Variants in LHX4 observed in about 807,000 individuals in gnomAD.
LHX4 encodes the protein LIM homeobox 4.
Under a neutral mutation model 39.2 loss-of-function variants are expected in LHX4, and 16 were observed. The ratio of observed to expected loss-of-function variants is 0.41; its 90% CI spans 0.28 to 0.62. The LOEUF (loss-of-function observed/expected upper bound fraction) is 0.62, where lower values mean the gene tolerates loss of function less well. Among genes scored for constraint, LHX4 ranks in the 20% least tolerant of loss-of-function variants. The pLI is 0.33. For synonymous variants in LHX4, 206 were observed against 198.1 expected (o/e 1.04, Z -0.33); for missense variants, 439 against 511.9 (o/e 0.86, Z 1.37).
chr1:180,247,852 G>T (rs748476810), intron 1 of LHX4, among the ~76,000 whole-genome samples: 2 of 152,182 alleles, frequency 1.3e-5, no homozygotes, highest in Non-Finnish European at 2.9e-5. Context: ...CCTGGGCAGG[G>T]CTCACTTTGG....
In LHX4 at chr1:180,266,273, G is replaced by T; in HGVS notation, c.249-119G>T. On this transcript the variant is annotated intron_variant, in intron 2 of 5. Transcript: ENST00000263726. The surrounding 1 kb of genome is among the most constrained non-coding windows in gnomAD (Gnocchi z 5.7). ...CAGACGGTAAGCTCTGGGTGACTGGGGGGTGAGGCTCATGGAGTCCCGGAG... is the reference window on the plus strand; with the variant it reads ...CAGACGGTAAGCTCTGGGTGACTGGTGGGTGAGGCTCATGGAGTCCCGGAG... 1.1e-6 allele frequency: 1 copy of T among 923,682 alleles called. No individual in the cohort carries two copies. The highest frequency in any genetic ancestry group is 1.8e-6 in the Non-Finnish European group (1 of 569,180). The allele number at this position is 923,682 out of a possible 1,614,324, so 57.2% of individuals were successfully genotyped here.
At chr1:180,271,316 T>C in intron 3 of LHX4, 64 bp from the exon 4 acceptor site, 1 of 1,563,080 alleles carries the variant, frequency 6.4e-7, no homozygotes, top group Non-Finnish European at 8.8e-7. Context: ...GAAGGGAGGG[T>C]GTGGGAGGAG....
At position 180,242,139 on chromosome 1, in the gene LHX4, A is replaced by G. The variant is rs573559499; in HGVS notation, c.77-6146A>G. ...TCCCTACTCTCCCCACTGCTTCAGG[A>G]TTGGACAGCTCCCTCATTCGGCTAA... On this transcript the variant is annotated intron_variant, in intron 1 of 5. Coordinates refer to ENST00000263726, the MANE Select transcript of LHX4 (RefSeq NM_033343.4). Among the ~76,000 whole-genome samples, 25 of 152,202 alleles carry G rather than the reference A, an allele frequency of 1.6e-4. No homozygotes were observed. In the East Asian group the frequency reaches 3.7e-3, roughly 22 times the overall value.
At chr1:180,253,809 G>A (rs1404751242) in intron 2 of LHX4, among the ~76,000 whole-genome samples, 2 of 152,204 alleles carry the variant, frequency 1.3e-5, no homozygotes, top group African/African-American at 4.8e-5. Flanking sequence ...TTCCCTCAGG[G>A]CGGGGCCTGC....
At chr1:180,260,577 T>G (rs922072972) in intron 2 of LHX4, among the ~76,000 whole-genome samples, 1 of 151,824 alleles carries the variant, frequency 6.6e-6, no homozygotes, top group African/African-American at 2.4e-5. Context: ...GAGTGGCCCA[T>G]GAGAGTCAGC....
At position 180,266,600 on chromosome 1, in the gene LHX4, C is replaced by T; in HGVS notation, c.451+6C>T. On this transcript the variant is annotated splice_donor_region_variant and intron_variant, in intron 3 of 5. Coordinates refer to ENST00000263726, the MANE Select transcript of LHX4 (RefSeq NM_033343.4). This position sits in a 1 kb window ranked among gnomAD's most constrained non-coding sequence, Gnocchi z 5.7. ...CGAGACAGCCAAGCAGAACGGTAAGCAGCATGGCCCCGCATGGTCCCCTCT... is the reference window on the plus strand; with the variant it reads ...CGAGACAGCCAAGCAGAACGGTAAGTAGCATGGCCCCGCATGGTCCCCTCT... The T allele has an allele frequency of 6.2e-7, 1 of 1,613,688 alleles. No individual in the cohort carries two copies. The highest frequency in any genetic ancestry group is 8.5e-7 in the Non-Finnish European group (1 of 1,179,736).
At position 180,278,252 on chromosome 1, in the gene LHX4, A is replaced by AATT. The variant is rs1359316263; in HGVS notation, c.*3675_*3677dup. On this transcript the variant is annotated 3_prime_UTR_variant, in exon 6 of 6. Coordinates refer to ENST00000263726, the MANE Select transcript of LHX4 (RefSeq NM_033343.4). ...GAAACCGTGAGATGAAGAAAAATTC[A>AATT]ATTAAGCGGAAATGAGTTTTGTTTT... is the stretch of plus-strand genomic sequence containing the variant. 2 of 152,210 alleles carry AATT rather than the reference A, an allele frequency of 1.3e-5. No individual in the cohort carries two copies. The highest frequency in any genetic ancestry group is 6.5e-5 in the Admixed American group (1 of 15,288). 9.4% of individuals were successfully genotyped at this position (152,210 alleles called of 1,614,324 possible).
intron 1 of LHX4, 128 bp from the exon 2 acceptor site, chr1:180,248,157 A>G: frequency 1.2e-6 from 1 of 834,856 alleles, no homozygotes; most frequent in Non-Finnish European, 2.0e-6. Flanking sequence ...ACTATATGCA[A>G]CAGCTCTGCG....
chr1:180,246,092 AAG>A (rs1233424585), intron 1 of LHX4, among the ~76,000 whole-genome samples: 1 of 152,192 alleles, frequency 6.6e-6, no homozygotes, highest in East Asian at 1.9e-4. Context: ...TGGTCTGAGA[AAG>A]GGGTCAACAG....
intron 3 of LHX4, chr1:180,270,244 A>G (rs1442262751): frequency 6.6e-6 from 1 of 152,248 alleles, no homozygotes; most frequent in East Asian, 1.9e-4. Context: ...AGGTGCTAAC[A>G]CATGTTGGCT....
At chr1:180,240,295 A>G (rs557001181) in intron 1 of LHX4, among the ~76,000 whole-genome samples, 1 of 152,302 alleles carries the variant, frequency 6.6e-6, no homozygotes, top group South Asian at 2.1e-4. Context: ...TGGCCTCCCA[A>G]AGTGCTGGGA....
At chr1:180,249,868 C>CGTGTGAGT (rs375121115) in intron 2 of LHX4, among the ~76,000 whole-genome samples, 2 of 115,234 alleles carry the variant, frequency 1.7e-5, no homozygotes, top group African/African-American at 4.1e-5. Flanking sequence ...CTGCTCCCTA[C>CGTGTGAGT]GTGTGTGTGC....
intron 1 of LHX4, among the ~76,000 whole-genome samples, chr1:180,236,699 A>G (rs1664328707): frequency 1.3e-5 from 2 of 152,066 alleles, no homozygotes; most frequent in Non-Finnish European, 2.9e-5. Flanking sequence ...GTGGAATCGG[A>G]TAAAGGGACC....
At chr1:180,228,399 A>G (rs1337607737), upstream of LHX4, among the ~76,000 whole-genome samples, 1 of 152,212 alleles carries the variant, frequency 6.6e-6, no homozygotes, top group Non-Finnish European at 1.5e-5. Context: ...AGTATTGGTG[A>G]GTGTCCAAGC....
At chr1:180,259,639 G>A (rs1347338012) in intron 2 of LHX4, among the ~76,000 whole-genome samples, 1 of 151,690 alleles carries the variant, frequency 6.6e-6, no homozygotes, top group Non-Finnish European at 1.5e-5. Flanking sequence ...GGCACCATCA[G>A]TCCGGTGGGC....
At chr1:180,243,929 G>A (rs895697625) in intron 1 of LHX4, among the ~76,000 whole-genome samples, 2 of 152,178 alleles carry the variant, frequency 1.3e-5, no homozygotes, top group African/African-American at 4.8e-5. Context: ...GATGGTTCAG[G>A]CCCCTTGAGC....
At chr1:180,268,651 G>A (rs1648438879) in intron 3 of LHX4, among the ~76,000 whole-genome samples, 1 of 152,210 alleles carries the variant, frequency 6.6e-6, no homozygotes, top group South Asian at 2.1e-4. Context: ...GAAATGGGAT[G>A]TGAAATAAGA....
intron 2 of LHX4, among the ~76,000 whole-genome samples, chr1:180,261,779 C>T (rs1440639211): frequency 6.6e-6 from 1 of 152,186 alleles, no homozygotes; most frequent in Non-Finnish European, 1.5e-5. Context: ...GGCAGCTTGT[C>T]CATATCAGCT....
intron 3 of LHX4, chr1:180,270,458 G>A (rs1648577584): frequency 6.6e-6 from 1 of 152,214 alleles, no homozygotes; most frequent in Non-Finnish European, 1.5e-5. Context: ...TAAGTGCTGG[G>A]AGAGGAAACA....
Sources: allele counts gnomAD v4.1 joint callset (sites outside exome capture counted in the v4.1 genomes callset), GRCh38; gene constraint gnomAD v4.1.1; non-coding constraint Gnocchi (gnomAD v3.1); transcripts MANE v1.5; gene names NCBI Gene and HGNC (gene_info 2026-07-23, HGNC 2026-07-21).